The following TCF4 variants were observed in gnomAD, a reference collection of about 807,000 sequenced individuals.
The protein encoded by TCF4 is SL3-3 enhancer factor 2.
A neutral mutation model predicts 82.1 loss-of-function variants in TCF4; 3 were observed. The ratio of observed to expected loss-of-function variants is 0.04; its 90% confidence interval spans 0.02 to 0.09. The LOEUF (loss-of-function observed/expected upper bound fraction) is 0.09. TCF4 is among the 10% of genes least tolerant of loss of function. The pLI is 1.00. For missense variants in TCF4, 518 were observed against 852.7 expected, an observed-to-expected ratio of 0.61 and a Z score of 4.89; for synonymous variants, 276 against 309.6, an observed-to-expected ratio of 0.89 and a Z score of 1.14.
At chr18:55,329,716 AG>A (rs1444887167) in intron 8 of TCF4, among the ~76,000 whole-genome samples, 1 of 152,216 alleles carries the variant, frequency 6.6e-6, no homozygotes, top group East Asian at 1.9e-4. Flanking sequence ...TTGATGTAAA[AG>A]TCATCAACTA....
intron 8 of TCF4, among the ~76,000 whole-genome samples, chr18:55,304,498 G>T (rs1412534295): frequency 6.6e-6 from 1 of 152,032 alleles, no homozygotes; most frequent in Non-Finnish European, 1.5e-5. Context: ...GAGATTATAT[G>T]AAAAACAATA....
chr18:55,322,050 T>G (rs1209732144), intron 8 of TCF4: 25 of 1,169,048 alleles, frequency 2.1e-5, no homozygotes, highest in Non-Finnish European at 2.6e-5. Context: ...TAATGCCGAT[T>G]CTTACAAATT....
chr18:55,445,967 C>A (rs1373160014), intron 5 of TCF4, among the ~76,000 whole-genome samples: 2 of 152,206 alleles, frequency 1.3e-5, no homozygotes, highest in Non-Finnish European at 2.9e-5. Context: ...TAAGAGTTCA[C>A]ATTCCAAGCT....
At chr18:55,424,459 C>T (rs1338765730) in intron 5 of TCF4, among the ~76,000 whole-genome samples, 2 of 152,204 alleles carry the variant, frequency 1.3e-5, no homozygotes, top group Non-Finnish European at 2.9e-5. Context: ...AAGTTAGGGA[C>T]AGGCTCCCTG....
chr18:55,612,461 A>G (rs904613685), intron 2 of TCF4, among the ~76,000 whole-genome samples: 3 of 152,164 alleles, frequency 2.0e-5, no homozygotes, highest in Non-Finnish European at 2.9e-5. Context: ...CAGTTTTATC[A>G]TAGATTACAT....
At chr18:55,596,248 G>A (rs951239983) in intron 2 of TCF4, 30 of 315,990 alleles carry the variant, frequency 9.5e-5, no homozygotes, top group Admixed American at 6.2e-4. Flanking sequence ...TCAGCACATG[G>A]AAATCTTCAT....
chr18:55,380,173 C>T (rs1293237095), intron 6 of TCF4, among the ~76,000 whole-genome samples: 2 of 152,064 alleles, frequency 1.3e-5, no homozygotes, highest in South Asian at 2.1e-4. Context: ...TGAGCCACCA[C>T]GAGGGTCCTC....
At chr18:55,431,522 C>T (rs541964053) in intron 5 of TCF4, among the ~76,000 whole-genome samples, 6 of 152,258 alleles carry the variant, frequency 3.9e-5, no homozygotes, top group East Asian at 3.9e-4. Context: ...TCAGGTGATC[C>T]GCCCACCTCA....
chr18:55,269,654 T>C (rs2059933785), intron 11 of TCF4, 177 bp downstream of exon 11: 1 of 831,416 alleles, frequency 1.2e-6, no homozygotes. Context: ...ACGAAAAATA[T>C]GGTTATGCTC....
At chr18:55,275,267 T>A (rs1272375985) in intron 10 of TCF4, among the ~76,000 whole-genome samples, 3 of 80,794 alleles carry the variant, frequency 3.7e-5, no homozygotes, top group Non-Finnish European at 2.3e-5. Flanking sequence ...CTTTTGAAAC[T>A]ACAGATAGAA....
chr18:55,297,260 A>AT (rs1357392846), intron 8 of TCF4, among the ~76,000 whole-genome samples: 3 of 145,072 alleles, frequency 2.1e-5, no homozygotes, highest in African/African-American at 7.9e-5. Context: ...AATCCCCAAT[A>AT]TTTTTTCCTC....
chr18:55,564,728 G>A (rs376547764), intron 3 of TCF4, among the ~76,000 whole-genome samples: 10 of 152,116 alleles, frequency 6.6e-5, no homozygotes, highest in Admixed American at 4.6e-4. Flanking sequence ...CAATATATAC[G>A]TGAGCTGTCA....
intron 12 of TCF4, among the ~76,000 whole-genome samples, chr18:55,260,805 C>G (rs1460617093): frequency 6.6e-6 from 1 of 152,136 alleles, no homozygotes; most frequent in Non-Finnish European, 1.5e-5. Context: ...AGTGATCCTC[C>G]CACCTCGGCC....
At chr18:55,254,840 A>ATTTGT in intron 14 of TCF4, 140 bp from the exon 15 acceptor site, 1 of 819,868 alleles carries the variant, frequency 1.2e-6, no homozygotes, top group Non-Finnish European at 2.0e-6. Flanking sequence ...TTAAAACAAT[A>ATTTGT]ATACAAATAG....
intron 8 of TCF4, among the ~76,000 whole-genome samples, chr18:55,300,382 A>G (rs1329927622): frequency 8.1e-6 from 1 of 124,080 alleles, no homozygotes; most frequent in Non-Finnish European, 1.6e-5. Context: ...CCTGGCGGTC[A>G]TTTGGAAGGC....
At chr18:55,625,411 G>T (rs1469802300) in intron 2 of TCF4, among the ~76,000 whole-genome samples, 3 of 151,936 alleles carry the variant, frequency 2.0e-5, no homozygotes, top group African/African-American at 4.8e-5. Context: ...GCTAATTTTT[G>T]TATGTTTAGT....
chr18:55,476,359 G>C (rs1334644219), intron 3 of TCF4, among the ~76,000 whole-genome samples: 2 of 152,192 alleles, frequency 1.3e-5, no homozygotes, highest in Non-Finnish European at 2.9e-5. Context: ...ATTCAATACA[G>C]CATAAGCATA....
intron 6 of TCF4, among the ~76,000 whole-genome samples, chr18:55,358,413 C>T (rs931756274): frequency 2.0e-5 from 3 of 152,156 alleles, no homozygotes; most frequent in Non-Finnish European, 2.9e-5. Flanking sequence ...GTGGCAAGGA[C>T]GGTAGGTATA....
At position 55,604,031 on chromosome 18, in the gene TCF4, A is replaced by G. The variant is rs1307362417; in HGVS notation, c.287-16895T>C. ...ATCCATGGGGTGGATTCCTTGCGCC[A>G]TTCTTCCCATAACTGTCACTGGCAC... On this transcript the variant is annotated intron_variant, in intron 2 of 20. Transcript: ENST00000398339. Among the ~76,000 whole-genome samples the G allele has an allele frequency of 7.2e-5, 11 of 152,244 alleles. No homozygotes were observed. The East Asian group carries it at 2.1e-3, about 29-fold the overall frequency.
Sources: gnomAD v4.1 joint callset for allele counts (sites outside exome capture counted in the v4.1 genomes callset) on GRCh38, gnomAD v4.1.1 for gene constraint, MANE v1.5 for transcripts, NCBI Gene and HGNC (gene_info 2026-07-23, HGNC 2026-07-21) for gene names.